Variants in KAT6B observed in about 807,000 individuals in gnomAD.
KAT6B encodes the protein lysine acetyltransferase 6B.
KAT6B carries 10 observed loss-of-function variants against 187.5 expected under a neutral mutation model. That is an observed-to-expected ratio of 0.05 (90% CI 0.03 to 0.09). KAT6B has a LOEUF of 0.09. KAT6B is among the 10% of genes least tolerant of loss of function. The pLI, the probability that KAT6B is intolerant of heterozygous loss-of-function variation, is 1.00. For synonymous variants in KAT6B, 861 were observed against 926.8 expected, an observed-to-expected ratio of 0.93 and a Z score of 1.29; for missense variants, 1,952 against 2,558.9, an observed-to-expected ratio of 0.76 and a Z score of 5.12.
chr10:74,870,958 A>T (rs1403252728), intron 3 of KAT6B, among the ~76,000 whole-genome samples: 4 of 137,762 alleles, frequency 2.9e-5, no homozygotes, highest in Non-Finnish European at 6.2e-5. Context: ...GCTCACTGCA[A>T]CCTCTGCCTC....
At position 74,981,938 on chromosome 10, in the gene KAT6B, T is replaced by G; in HGVS notation, c.2373+10T>G. ...CCTTTCAGTATTTGAGGTAAGCGCG[T>G]GTAAATAAAAAAATTCAGCTTTTTG... On this transcript the variant is annotated intron_variant, in intron 11 of 17. Transcript: ENST00000287239. 6.2e-7 allele frequency: 1 copy of G among 1,613,188 alleles called. No individual in the cohort carries two copies. The highest frequency in any genetic ancestry group is 8.5e-7 in the Non-Finnish European group (1 of 1,179,462).
chr10:74,952,810 C>G (rs2133417200), intron 3 of KAT6B, among the ~76,000 whole-genome samples: 1 of 150,970 alleles, frequency 6.6e-6, no homozygotes, highest in Admixed American at 6.6e-5. Context: ...CCTCAGCCTC[C>G]TGAGTAGCTG....
At chr10:74,859,203 C>G (rs1843005519) in intron 3 of KAT6B, among the ~76,000 whole-genome samples, 1 of 152,116 alleles carries the variant, frequency 6.6e-6, no homozygotes, top group African/African-American at 2.4e-5. Flanking sequence ...GCCTCAGCCT[C>G]CTGAGTAGCT....
intron 1 of KAT6B, among the ~76,000 whole-genome samples, chr10:74,830,936 C>T (rs1242028835): frequency 6.7e-6 from 1 of 150,052 alleles, no homozygotes; most frequent in Admixed American, 6.7e-5. Context: ...TACAGGTGCC[C>T]ACTACCACAA....
intron 3 of KAT6B, among the ~76,000 whole-genome samples, chr10:74,884,267 A>G (rs1022792988): frequency 5.9e-5 from 9 of 152,216 alleles, no homozygotes; most frequent in African/African-American, 1.9e-4. Flanking sequence ...GTTATGTTAA[A>G]ATTACTTTCC....
chr10:74,923,357 C>T (rs978295748), intron 3 of KAT6B, among the ~76,000 whole-genome samples: 1 of 152,188 alleles, frequency 6.6e-6, no homozygotes, highest in African/African-American at 2.4e-5. Context: ...GGGAGCAAAA[C>T]AGACAAGTCT....
chr10:74,939,558 G>A (rs544593334), intron 3 of KAT6B, among the ~76,000 whole-genome samples: 4 of 152,008 alleles, frequency 2.6e-5, no homozygotes, highest in Non-Finnish European at 4.4e-5. Context: ...GCGCCACCAC[G>A]ACCGGCTAAT....
chr10:74,982,015 A>G (rs1038923456), intron 11 of KAT6B, 87 bp downstream of exon 11: 14 of 1,230,280 alleles, frequency 1.1e-5, no homozygotes, highest in Non-Finnish European at 1.7e-5. Context: ...TTTAGAAGGT[A>G]CAAAGTATAC....
intron 3 of KAT6B, among the ~76,000 whole-genome samples, chr10:74,899,707 CCTCTA>C (rs1458411455): frequency 6.6e-6 from 1 of 152,096 alleles, no homozygotes; most frequent in African/African-American, 2.4e-5. Context: ...GTAAGTTTGT[CCTCTA>C]CTCCTGAGTA....
At chr10:74,830,928 C>T (rs957526723) in intron 1 of KAT6B, among the ~76,000 whole-genome samples, 5 of 150,166 alleles carry the variant, frequency 3.3e-5, no homozygotes, top group African/African-American at 1.2e-4. Flanking sequence ...GCTGGGATTA[C>T]AGGTGCCCAC....
At chr10:74,849,881 C>T (rs925001916) in intron 3 of KAT6B, among the ~76,000 whole-genome samples, 3 of 151,252 alleles carry the variant, frequency 2.0e-5, no homozygotes, top group Non-Finnish European at 4.4e-5. Flanking sequence ...AAGATTCTGA[C>T]GAGACAGTCT....
intron 3 of KAT6B, among the ~76,000 whole-genome samples, chr10:74,906,810 C>T (rs1025003215): frequency 1.3e-5 from 2 of 152,148 alleles, no homozygotes; most frequent in African/African-American, 4.8e-5. Flanking sequence ...AATTTATTGT[C>T]TCCTGTTCCT....
At chr10:74,965,631 G>C (rs1404771955) in intron 4 of KAT6B, among the ~76,000 whole-genome samples, 1 of 152,102 alleles carries the variant, frequency 6.6e-6, no homozygotes, top group Non-Finnish European at 1.5e-5. Flanking sequence ...TAATCTTATA[G>C]TTGTAGGTTG....
chr10:74,979,989 T>A (rs1473137081), intron 10 of KAT6B, among the ~76,000 whole-genome samples: 1 of 152,078 alleles, frequency 6.6e-6, no homozygotes, highest in African/African-American at 2.4e-5. Flanking sequence ...CAAAACCCCA[T>A]CTCTACTAAA....
chr10:74,963,252 T>C (rs1200624086), intron 4 of KAT6B, among the ~76,000 whole-genome samples: 1 of 152,254 alleles, frequency 6.6e-6, no homozygotes, highest in Non-Finnish European at 1.5e-5. Flanking sequence ...ATATTCTCTT[T>C]GCCTCATTAA....
intron 16 of KAT6B, chr10:75,023,842 T>TA (rs1845619042): frequency 6.6e-6 from 1 of 151,754 alleles, no homozygotes; most frequent in Admixed American, 6.6e-5. Flanking sequence ...TCTGTCTCTA[T>TA]AAAAAATAAA....
chr10:74,836,386 C>G (rs1841309826), intron 1 of KAT6B, among the ~76,000 whole-genome samples: 1 of 152,180 alleles, frequency 6.6e-6, no homozygotes, highest in South Asian at 2.1e-4. Flanking sequence ...TTTTGAGGAA[C>G]CGCCAAACAG....
chr10:75,026,590 T>C (rs574665845), intron 17 of KAT6B, among the ~76,000 whole-genome samples: 1 of 152,262 alleles, frequency 6.6e-6, no homozygotes, highest in East Asian at 1.9e-4. Flanking sequence ...GAATGACTTC[T>C]TACCCTGGGT....
chr10:74,829,886 C>T (rs183497122), intron 1 of KAT6B, among the ~76,000 whole-genome samples: 3 of 151,496 alleles, frequency 2.0e-5, no homozygotes, highest in Admixed American at 2.0e-4. Flanking sequence ...GGCATGGTGG[C>T]GGGCGCCTGT....
Sources: allele counts gnomAD v4.1 joint callset (sites outside exome capture counted in the v4.1 genomes callset), GRCh38; gene constraint gnomAD v4.1.1; transcripts MANE v1.5; gene names NCBI Gene and HGNC (gene_info 2026-07-23, HGNC 2026-07-21).